Variants in SAMD12 observed in about 807,000 individuals in gnomAD.
The protein encoded by SAMD12 is sterile alpha motif domain containing 12.
In SAMD12, 9 loss-of-function variants were observed where a neutral mutation model predicts 15.0. The ratio of observed to expected loss-of-function variants is 0.60; its 90% CI spans 0.36 to 1.05. The LOEUF (loss-of-function observed/expected upper bound fraction) is 1.05. SAMD12 is among the 50% of genes least tolerant of loss of function. The probability of loss-of-function intolerance (pLI) is 0.01; values close to 1 mark genes in which losing one functional copy is unlikely to be tolerated. For missense variants in SAMD12, 230 were observed against 234.2 expected (o/e 0.98, Z 0.12); for synonymous variants, 86 against 90.1 (o/e 0.96, Z 0.25).
the SAMD12 span, among the ~76,000 whole-genome samples, chr8:118,176,098 G>A: frequency 6.6e-6 from 1 of 152,110 alleles, no homozygotes; most frequent in African/African-American, 2.4e-5. Flanking sequence ...TCAGGAGATC[G>A]AGACCATCCT....
At chr8:118,149,769 TTTA>T in the SAMD12 span, among the ~76,000 whole-genome samples, 2 of 152,216 alleles carry the variant, frequency 1.3e-5, no homozygotes, top group Non-Finnish European at 2.9e-5. Flanking sequence ...ATATGAAGTT[TTTA>T]TTTTTTTAAT....
At chr8:118,406,526 G>A (rs1821137961) in intron 3 of SAMD12, among the ~76,000 whole-genome samples, 1 of 152,028 alleles carries the variant, frequency 6.6e-6, no homozygotes, top group Middle Eastern at 3.4e-3. Flanking sequence ...CACCTGCCTC[G>A]GCCTCCCAAA....
the SAMD12 span, among the ~76,000 whole-genome samples, chr8:118,157,107 A>G: frequency 6.7e-6 from 1 of 149,582 alleles, no homozygotes; most frequent in Admixed American, 6.8e-5. Context: ...ATGCTTTTTT[A>G]GAGCTATAAA....
chr8:118,604,539 G>T (rs970876642), intron 1 of SAMD12, among the ~76,000 whole-genome samples: 3 of 152,094 alleles, frequency 2.0e-5, no homozygotes, highest in African/African-American at 7.2e-5. Context: ...AACATTAGAG[G>T]GATGACTAAA....
At chr8:118,425,876 A>C (rs1433762218) in intron 3 of SAMD12, among the ~76,000 whole-genome samples, 1 of 152,192 alleles carries the variant, frequency 6.6e-6, no homozygotes, top group East Asian at 1.9e-4. Context: ...TTATTTCTAA[A>C]TGAGGTAACC....
At chr8:118,497,777 A>C (rs1824668083) in intron 2 of SAMD12, among the ~76,000 whole-genome samples, 2 of 150,412 alleles carry the variant, frequency 1.3e-5, no homozygotes, top group South Asian at 4.2e-4. Context: ...GAGAACATTT[A>C]TTTACTTTTT....
At chr8:118,612,667 T>C (rs1035354622) in intron 1 of SAMD12, among the ~76,000 whole-genome samples, 6 of 152,234 alleles carry the variant, frequency 3.9e-5, no homozygotes, top group Non-Finnish European at 8.8e-5. Flanking sequence ...CAGTTTCTAA[T>C]ACAGGTAAAA....
At chr8:118,284,303 G>C in intron 4 of SAMD12, 2 of 456,264 alleles carry the variant, frequency 4.4e-6, no homozygotes, top group Middle Eastern at 6.5e-4. Context: ...CAGCAGAACT[G>C]GCTGGGATGG....
intron 2 of SAMD12, among the ~76,000 whole-genome samples, chr8:118,552,226 A>C (rs1348092940): frequency 9.9e-5 from 15 of 152,210 alleles, no homozygotes; most frequent in Non-Finnish European, 2.2e-4. Flanking sequence ...CACAACAAAA[A>C]AAGAGAATTT....
rs558250793 is a variant in SAMD12, at chr8:118,458,702, C to A, written c.193-18741G>T. On this transcript the variant is annotated intron_variant, in intron 2 of 3. Transcript: ENST00000314727. Reference sequence around the variant, plus strand: ...TTATTGATTATGAAGCAGCAAAAATCTTTCACACTGCAAGCAAGGTAATGC... The same window carrying A: ...TTATTGATTATGAAGCAGCAAAAATATTTCACACTGCAAGCAAGGTAATGC... Among the ~76,000 whole-genome samples, 10 of 152,296 alleles carry A rather than the reference C, an allele frequency of 6.6e-5. No individual in the cohort carries two copies. In the South Asian group the frequency reaches 2.1e-3, roughly 32 times the overall value.
At chr8:118,198,228 G>T (rs1163134394) in intron 4 of SAMD12, among the ~76,000 whole-genome samples, 1 of 152,204 alleles carries the variant, frequency 6.6e-6, no homozygotes, top group African/African-American at 2.4e-5. Context: ...GAGTTTGCTA[G>T]TTGCGAAGTC....
chr8:118,450,606 C>G lies in SAMD12; in HGVS notation c.193-10645G>C, dbSNP rs150828279. Among the ~76,000 whole-genome samples the G allele has an allele frequency of 7.3e-3, 1,116 of 152,300 alleles. 5 individuals carry two copies. Among genetic ancestry groups the G allele is most frequent in the Middle Eastern group, 0.014 (4 of 294 alleles). On this transcript the variant is annotated intron_variant, in intron 2 of 3. Transcript: ENST00000314727. ...AAAAATTGTTATTGATCATCATCAT[C>G]ATGTCATTTCTACAACAATTACTTT... is the stretch of plus-strand genomic sequence containing the variant.
chr8:118,148,147 C>G, the SAMD12 span, among the ~76,000 whole-genome samples: 11 of 151,842 alleles, frequency 7.2e-5, no homozygotes, highest in Admixed American at 2.0e-4. Flanking sequence ...CCAGGCTAGT[C>G]TTGAACTCCT....
chr8:118,243,063 A>G (rs1220603823), intron 4 of SAMD12, among the ~76,000 whole-genome samples: 1 of 152,166 alleles, frequency 6.6e-6, no homozygotes, highest in Non-Finnish European at 1.5e-5. Context: ...GGCAACCCAC[A>G]TGTATTTGAC....
intron 3 of SAMD12, among the ~76,000 whole-genome samples, chr8:118,428,747 A>G (rs1361457226): frequency 6.6e-6 from 1 of 152,126 alleles, no homozygotes; most frequent in Non-Finnish European, 1.5e-5. Flanking sequence ...ATTTGGCCAT[A>G]TATGTGTGAG....
At chr8:118,563,574 TACAA>T (rs1365946769) in intron 2 of SAMD12, among the ~76,000 whole-genome samples, 1 of 152,186 alleles carries the variant, frequency 6.6e-6, no homozygotes, top group Non-Finnish European at 1.5e-5. Context: ...AGAAATAATC[TACAA>T]ACAAAGCATT....
intron 4 of SAMD12, among the ~76,000 whole-genome samples, chr8:118,311,980 G>A (rs1029565976): frequency 9.9e-5 from 15 of 152,240 alleles, no homozygotes; most frequent in Admixed American, 3.9e-4. Flanking sequence ...TCAGTGTTCC[G>A]TCTTTACTAC....
At chr8:118,452,825 C>T (rs138777104) in intron 2 of SAMD12, among the ~76,000 whole-genome samples, 1 of 152,272 alleles carries the variant, frequency 6.6e-6, no homozygotes, top group Non-Finnish European at 1.5e-5. Context: ...TAACATGGTC[C>T]TAACTCAAAC....
chr8:118,294,802 G>A (rs892521709), intron 4 of SAMD12, among the ~76,000 whole-genome samples: 1 of 152,094 alleles, frequency 6.6e-6, no homozygotes, highest in African/African-American at 2.4e-5. Context: ...CCTGTTATGT[G>A]CTCTCTGAGC....
Sources: allele counts gnomAD v4.1 joint callset (sites outside exome capture counted in the v4.1 genomes callset), GRCh38; gene constraint gnomAD v4.1.1; transcripts MANE v1.5; gene names NCBI Gene and HGNC (gene_info 2026-07-23, HGNC 2026-07-21).